PTPRG: variants seen among roughly 807,000 people sequenced by gnomAD.
PTPRG encodes the protein protein tyrosine phosphatase receptor type G.
Under a neutral mutation model 165.3 loss-of-function variants are expected in PTPRG, and 102 were observed. The ratio of observed to expected loss-of-function variants is 0.62; its 90% confidence interval spans 0.53 to 0.73. The LOEUF (loss-of-function observed/expected upper bound fraction) is 0.73. PTPRG is among the 30% of genes least tolerant of loss of function. The probability of loss-of-function intolerance (pLI) is 0.00; values close to 1 mark genes in which losing one functional copy is unlikely to be tolerated. For missense variants in PTPRG, 1,866 were observed against 1,861.4 expected (o/e 1.00, Z -0.05); for synonymous variants, 675 against 669.5 (o/e 1.01, Z -0.13).
At position 62,203,278 on chromosome 3, in the gene PTPRG, G is replaced by A; in HGVS notation, c.1483G>A (p.Gly495Arg). 6.2e-7 allele frequency: 1 copy of A among 1,614,000 alleles called. No individual in the cohort carries two copies. The highest frequency in any genetic ancestry group is 8.5e-7 in the Non-Finnish European group (1 of 1,179,998). ...ATTCTCATTTGTTTCCATGGCAACT[G>A]GGATGGGCCCCTCCTCCAGTGGCAG... Reference protein sequence around the residue: ...IPFSFVSMATGMGPSSSGSQA... With the variant: ...IPFSFVSMATRMGPSSSGSQA... The change falls in exon 12 of 30, where the codon GGG becomes AGG. Residue 495 changes from glycine (G) to arginine (R), a missense_variant. Physicochemically the swap from Gly to Arg is moderately radical, Grantham distance 125. Transcript: ENST00000474889. This position sits in a 1 kb window ranked among gnomAD's most constrained non-coding sequence, Gnocchi z 6.4.
chr3:62,290,811 T>C (rs1702858880), intron 28 of PTPRG, among the ~76,000 whole-genome samples: 1 of 152,042 alleles, frequency 6.6e-6, no homozygotes, highest in Admixed American at 6.6e-5. Context: ...CGTAAAAAAG[T>C]AAAATTAGAA....
Position 62,273,876 on chromosome 3 carries a change from A to T in PTPRG, c.3465+32A>T, listed in dbSNP as rs1369200083. 6.2e-7 allele frequency: 1 copy of T among 1,607,478 alleles called. No homozygotes were observed. Among genetic ancestry groups the T allele is most frequent in the Non-Finnish European group, 8.5e-7 (1 of 1,175,456 alleles). The stretch of plus-strand genomic sequence containing the variant: ...CTTTGAAAAAGTTTCTTTGGCATAA[A>T]GCAAGAAAATGTTTTAAATGCCTTG... On this transcript the variant is annotated intron_variant, in intron 23 of 29. Coordinates refer to ENST00000474889, the MANE Select transcript of PTPRG (RefSeq NM_002841.4). The surrounding 1 kb of genome is among the most constrained non-coding windows in gnomAD (Gnocchi z 4.1).
At chr3:61,582,286 A>G (rs549166999) in intron 1 of PTPRG, among the ~76,000 whole-genome samples, 1 of 152,174 alleles carries the variant, frequency 6.6e-6, no homozygotes, top group East Asian at 1.9e-4. Flanking sequence ...TGTTTTATTT[A>G]TTAATTTTTT....
At chr3:61,753,848 G>A (rs1445898029) in intron 2 of PTPRG, among the ~76,000 whole-genome samples, 2 of 151,880 alleles carry the variant, frequency 1.3e-5, no homozygotes, top group Admixed American at 1.3e-4. Flanking sequence ...GGCCTGTCTC[G>A]GCCTCCCAAA....
chr3:61,928,717 T>C (rs2039286182), intron 2 of PTPRG, among the ~76,000 whole-genome samples: 1 of 152,224 alleles, frequency 6.6e-6, no homozygotes, highest in African/African-American at 2.4e-5. Flanking sequence ...AAAGTTTAAA[T>C]ATATTTTCTA....
In PTPRG at chr3:61,749,060, T is replaced by C. The variant is rs764884846; in HGVS notation, c.190+78T>C. ...AACTCACTTGAAAGCACACTTTGAA[T>C]CACTTTTATGCCTGAGTTCTGTTTG... On this transcript the variant is annotated intron_variant, in intron 2 of 29. Transcript: ENST00000474889. 4.4e-6 allele frequency: 5 copies of C among 1,129,002 alleles called. No individual in the cohort carries two copies. In the African/African-American group the frequency reaches 7.7e-5, roughly 17 times the overall value. 69.9% of individuals were successfully genotyped at this position (1,129,002 alleles called of 1,614,324 possible).
Position 62,121,928 on chromosome 3 carries a change from A to G in PTPRG, c.616-10674A>G, listed in dbSNP as rs564758889. Among the ~76,000 whole-genome samples, 20 of 152,298 alleles carry G rather than the reference A, an allele frequency of 1.3e-4. 1 individual carries two copies. In the South Asian group the frequency reaches 3.5e-3, roughly 27 times the overall value. ...TATCAATCAAGGCCTGCCAGGAAAG[A>G]TTTTGTCTTTCCTCATTGCAATTTA... On this transcript the variant is annotated intron_variant, in intron 5 of 29. Transcript: ENST00000474889.
intron 4 of PTPRG, among the ~76,000 whole-genome samples, chr3:62,061,722 G>A (rs888995357): frequency 5.3e-5 from 8 of 151,262 alleles, no homozygotes; most frequent in Admixed American, 2.0e-4. Flanking sequence ...TCTGCCTCCT[G>A]GGTTTCAGCG....
intron 4 of PTPRG, among the ~76,000 whole-genome samples, chr3:62,055,781 TCTC>T (rs1482165214): frequency 6.6e-6 from 1 of 152,200 alleles, no homozygotes; most frequent in Non-Finnish European, 1.5e-5. Flanking sequence ...TGTGTGGCAT[TCTC>T]CTTGTCTTTC....
chr3:61,934,998 C>T (rs887618469), intron 2 of PTPRG, among the ~76,000 whole-genome samples: 13 of 152,124 alleles, frequency 8.5e-5, no homozygotes, highest in African/African-American at 2.4e-4. Flanking sequence ...GTTCCCAACA[C>T]GTCCCTTCCA....
At chr3:61,965,618 C>G (rs1022043234) in intron 2 of PTPRG, among the ~76,000 whole-genome samples, 3 of 91,976 alleles carry the variant, frequency 3.3e-5, no homozygotes, top group Admixed American at 9.8e-5. Flanking sequence ...TATGCTCATT[C>G]ATTCATTCAT....
At chr3:62,105,580 A>G (rs1229898690) in intron 5 of PTPRG, among the ~76,000 whole-genome samples, 1 of 152,206 alleles carries the variant, frequency 6.6e-6, no homozygotes, top group Non-Finnish European at 1.5e-5. Flanking sequence ...GGCATTTAAG[A>G]ATAGAAGGTT....
intron 2 of PTPRG, among the ~76,000 whole-genome samples, chr3:61,982,769 G>C (rs2189693): frequency 0.081 from 12,254 of 152,100 alleles, 640 homozygotes; most frequent in Middle Eastern, 0.13. Flanking sequence ...TTAGGCATTG[G>C]TACTGAATGA....
intron 4 of PTPRG, among the ~76,000 whole-genome samples, chr3:62,067,059 A>G (rs1347366530): frequency 8.4e-6 from 1 of 119,642 alleles, no homozygotes; most frequent in Non-Finnish European, 1.9e-5. Flanking sequence ...AAAAAAAAAA[A>G]AATCAACTGC....
chr3:61,672,762 GAAGAGGGAGAGGGA>G (rs1293872333), intron 1 of PTPRG, among the ~76,000 whole-genome samples: 1 of 132,670 alleles, frequency 7.5e-6, no homozygotes, highest in Admixed American at 7.3e-5. Flanking sequence ...GGGAGAGGGA[GAAGAGGGAGAGGGA>G]GAGAGGGAGA....
intron 26 of PTPRG, 80 bp from the exon 27 acceptor site, chr3:62,281,483 T>C: frequency 7.8e-7 from 1 of 1,288,328 alleles, no homozygotes; most frequent in Non-Finnish European, 1.0e-6. Context: ...GGATGGGAAA[T>C]GACAAAATCC....
chr3:61,692,519 C>T (rs1277319936), intron 1 of PTPRG, among the ~76,000 whole-genome samples: 1 of 152,122 alleles, frequency 6.6e-6, no homozygotes. Context: ...TTTGTGTGAG[C>T]AGCAAGGCTG....
chr3:62,076,489 G>A (rs1440231182), intron 4 of PTPRG, among the ~76,000 whole-genome samples: 1 of 150,544 alleles, frequency 6.6e-6, no homozygotes, highest in East Asian at 1.9e-4. Flanking sequence ...CCCAGGTCTG[G>A]TTTTTTTTGT....
At chr3:61,926,987 T>C (rs2039231318) in intron 2 of PTPRG, among the ~76,000 whole-genome samples, 1 of 152,110 alleles carries the variant, frequency 6.6e-6, no homozygotes, top group African/African-American at 2.4e-5. Flanking sequence ...TGACAGGACA[T>C]TTCTTGTCTT....
Sources: gnomAD v4.1 joint callset for allele counts (sites outside exome capture counted in the v4.1 genomes callset) on GRCh38, gnomAD v4.1.1 for gene constraint, Gnocchi (gnomAD v3.1) non-coding constraint, MANE v1.5 for transcripts, NCBI Gene and HGNC (gene_info 2026-07-23, HGNC 2026-07-21) for gene names.